The following CTNNA3 variants were observed in gnomAD, a reference collection of about 807,000 sequenced individuals.
CTNNA3 encodes catenin alpha-3.
Under a neutral mutation model 95.7 loss-of-function variants are expected in CTNNA3, and 76 were observed. That is an observed-to-expected ratio of 0.79 (90% CI 0.66 to 0.96). The LOEUF (loss-of-function observed/expected upper bound fraction) is 0.96, where lower values mean the gene tolerates loss of function less well. Ranked by LOEUF, CTNNA3 falls within the 40% of genes least tolerant of loss-of-function variation. CTNNA3 has a pLI of 0.00. For synonymous variants in CTNNA3, 431 were observed against 374.4 expected, an observed-to-expected ratio of 1.15 and a Z score of -1.74; for missense variants, 1,191 against 1,089.8, an observed-to-expected ratio of 1.09 and a Z score of -1.31.
intron 7 of CTNNA3, among the ~76,000 whole-genome samples, chr10:67,083,041 T>G (rs1464781388): frequency 1.3e-5 from 2 of 152,168 alleles, no homozygotes; most frequent in Non-Finnish European, 2.9e-5. Context: ...AAAAAGCAGG[T>G]GTTCACCTAA....
At chr10:67,093,675 C>T (rs147359330) in intron 7 of CTNNA3, among the ~76,000 whole-genome samples, 30 of 151,916 alleles carry the variant, frequency 2.0e-4, no homozygotes, top group African/African-American at 7.0e-4. Context: ...AAACTCCCCC[C>T]CAACAAAAGA....
intron 13 of CTNNA3, among the ~76,000 whole-genome samples, chr10:66,113,179 G>T (rs2082183259): frequency 6.6e-6 from 1 of 151,634 alleles, no homozygotes; most frequent in Non-Finnish European, 1.5e-5. Context: ...AGTGTGAAGT[G>T]ATATCTCATT....
intron 3 of CTNNA3, 141 bp downstream of exon 3, chr10:67,606,716 C>T: frequency 1.6e-6 from 1 of 635,628 alleles, no homozygotes; most frequent in Non-Finnish European, 2.7e-6. Flanking sequence ...AGCCACTCTG[C>T]CTCCCACAGC....
intron 9 of CTNNA3, among the ~76,000 whole-genome samples, chr10:66,658,681 G>A (rs1341334991): frequency 6.6e-6 from 1 of 152,092 alleles, no homozygotes; most frequent in African/African-American, 2.4e-5. Flanking sequence ...CTGCAGCCTG[G>A]CCTTCTCTCT....
chr10:66,359,875 G>A (rs573307193), intron 12 of CTNNA3, among the ~76,000 whole-genome samples: 2 of 149,338 alleles, frequency 1.3e-5, no homozygotes, highest in Non-Finnish European at 3.0e-5. Flanking sequence ...CATCCAGGCT[G>A]TAGTGCAGTG....
At chr10:66,322,822 C>A (rs1261419072) in intron 12 of CTNNA3, among the ~76,000 whole-genome samples, 1 of 151,924 alleles carries the variant, frequency 6.6e-6, no homozygotes, top group African/African-American at 2.4e-5. Context: ...TATTTAGTGT[C>A]CCTTTTCACT....
chr10:66,910,027 G>A (rs1325469542), intron 7 of CTNNA3, among the ~76,000 whole-genome samples: 1 of 152,036 alleles, frequency 6.6e-6, no homozygotes, highest in Non-Finnish European at 1.5e-5. Context: ...ATATATAAAT[G>A]GTTTATAAAA....
At chr10:67,065,634 A>G (rs1856027890) in intron 7 of CTNNA3, among the ~76,000 whole-genome samples, 1 of 152,078 alleles carries the variant, frequency 6.6e-6, no homozygotes, top group South Asian at 2.1e-4. Context: ...GTCTTAGCCA[A>G]TAAAATTCTC....
At chr10:67,681,960 A>G (rs1228506409) in intron 1 of CTNNA3, among the ~76,000 whole-genome samples, 2 of 151,818 alleles carry the variant, frequency 1.3e-5, no homozygotes, top group Non-Finnish European at 2.9e-5. Flanking sequence ...GATCAAGACC[A>G]TGCTGGCTAA....
chr10:67,404,818 C>T (rs748502080), intron 5 of CTNNA3, among the ~76,000 whole-genome samples: 2 of 152,060 alleles, frequency 1.3e-5, no homozygotes, highest in Non-Finnish European at 2.9e-5. Flanking sequence ...GAAAGAAAGG[C>T]GAGGCCACCT....
intron 7 of CTNNA3, among the ~76,000 whole-genome samples, chr10:66,891,913 G>A (rs1273634331): frequency 6.6e-6 from 1 of 151,792 alleles, no homozygotes; most frequent in African/African-American, 2.4e-5. Context: ...TTCAGATAAG[G>A]GAAAAAACAC....
At chr10:67,726,669 T>TCA (rs1564841411) in intron 1 of CTNNA3, among the ~76,000 whole-genome samples, 22 of 1,048 alleles carry the variant, frequency 0.021, no homozygotes, top group South Asian at 0.062. Flanking sequence ...ATATATTATA[T>TCA]TAATTATATA....
At chr10:67,395,761 T>C (rs1005734248) in intron 5 of CTNNA3, among the ~76,000 whole-genome samples, 2 of 152,190 alleles carry the variant, frequency 1.3e-5, no homozygotes, top group African/African-American at 4.8e-5. Context: ...TTAAGATTTT[T>C]TAACATTTCC....
intron 17 of CTNNA3, among the ~76,000 whole-genome samples, chr10:65,964,242 C>G: frequency 6.6e-6 from 1 of 152,116 alleles, no homozygotes; most frequent in Non-Finnish European, 1.5e-5. Context: ...CTTTGGCACA[C>G]GTAAATGTAA....
chr10:66,267,735 T>C (rs1420463388), intron 13 of CTNNA3, among the ~76,000 whole-genome samples: 1 of 152,150 alleles, frequency 6.6e-6, no homozygotes, highest in Admixed American at 6.6e-5. Context: ...TAATCTCACA[T>C]TCCACATACC....
At chr10:67,737,597 T>C (rs1841309863) in intron 1 of CTNNA3, among the ~76,000 whole-genome samples, 1 of 152,126 alleles carries the variant, frequency 6.6e-6, no homozygotes, top group Non-Finnish European at 1.5e-5. Flanking sequence ...GGGCAAAGGA[T>C]ATGAACAGAC....
At chr10:66,122,242 C>T (rs759316859) in intron 13 of CTNNA3, among the ~76,000 whole-genome samples, 6 of 152,082 alleles carry the variant, frequency 3.9e-5, no homozygotes, top group Non-Finnish European at 5.9e-5. Flanking sequence ...GTAGACTAGA[C>T]ACAGCTGAGA....
At chr10:66,979,367 G>C (rs998891255) in intron 7 of CTNNA3, among the ~76,000 whole-genome samples, 1 of 152,010 alleles carries the variant, frequency 6.6e-6, no homozygotes, top group African/African-American at 2.4e-5. Flanking sequence ...GTTTTAATTT[G>C]CTCACAGTAT....
At chr10:66,391,111 T>C (rs1005543729) in intron 11 of CTNNA3, among the ~76,000 whole-genome samples, 6 of 152,170 alleles carry the variant, frequency 3.9e-5, no homozygotes, top group Admixed American at 2.6e-4. Context: ...TGTTAAACTT[T>C]AACAAAATTT....
Sources: gnomAD v4.1 joint callset for allele counts (sites outside exome capture counted in the v4.1 genomes callset) on GRCh38, gnomAD v4.1.1 for gene constraint, MANE v1.5 for transcripts, NCBI Gene and HGNC (gene_info 2026-07-23, HGNC 2026-07-21) for gene names.